The following TRMT44 variants were observed in gnomAD, a reference collection of about 807,000 sequenced individuals.
The protein encoded by TRMT44 is tRNA methyltransferase 44 homolog.
Under a neutral mutation model 77.3 loss-of-function variants are expected in TRMT44, and 78 were observed. The ratio of observed to expected loss-of-function variants is 1.01; its 90% CI spans 0.84 to 1.22. The LOEUF is 1.22. Among genes scored for constraint, TRMT44 ranks in the 50% most tolerant of loss-of-function variants. The pLI, the probability that TRMT44 is intolerant of heterozygous loss-of-function variation, is 0.00. For missense variants in TRMT44, 1,090 were observed against 964.4 expected (o/e 1.13, Z -1.73); for synonymous variants, 391 against 383.3 (o/e 1.02, Z -0.23).
chr4:8,464,222 G>A (rs1726368705), intron 7 of TRMT44, 131 bp downstream of exon 7: 2 of 642,952 alleles, frequency 3.1e-6, no homozygotes, highest in South Asian at 2.0e-5. Flanking sequence ...TCCAATTGTT[G>A]AAATGTTTGC....
At chr4:8,503,331 C>T in the TRMT44 span, among the ~76,000 whole-genome samples, 32 of 152,350 alleles carry the variant, frequency 2.1e-4, no homozygotes, top group Admixed American at 8.5e-4. Flanking sequence ...GACCCTAGGC[C>T]GTGGCTGCAG....
At position 8,452,868 on chromosome 4, in the gene TRMT44, T is replaced by G; in HGVS notation, c.1024-14T>G. On this transcript the variant is annotated splice_polypyrimidine_tract_variant and intron_variant, in intron 4 of 10. Transcript: ENST00000389737. The surrounding 1 kb of genome is among the most constrained non-coding windows in gnomAD (Gnocchi z 5.7). ...ATTACCACCTGACTTTGTTTTGTTT[T>G]TCTCTTCACTTAGATTCTATGGGAA... 1 of 1,480,472 alleles carries G rather than the reference T, an allele frequency of 6.8e-7. No individual in the cohort carries two copies. Among genetic ancestry groups the G allele is most frequent in the Non-Finnish European group, 9.1e-7 (1 of 1,104,928 alleles). The allele number at this position is 1,480,472 out of a possible 1,614,324, so 91.7% of individuals were successfully genotyped here. A position where few individuals can be genotyped will look rare whatever the true frequency, so the allele number is the denominator to read the frequency against.
the TRMT44 span, among the ~76,000 whole-genome samples, chr4:8,515,140 AT>A: frequency 1.3e-5 from 2 of 151,858 alleles, no homozygotes; most frequent in Non-Finnish European, 2.9e-5. Context: ...TAATTTTTGT[AT>A]TTTTTTGTAG....
In TRMT44 at chr4:8,444,832, T is replaced by C. The variant is rs527798660; in HGVS notation, c.620-1644T>C. On this transcript the variant is annotated intron_variant, in intron 1 of 10. Coordinates refer to ENST00000389737, the MANE Select transcript of TRMT44 (RefSeq NM_152544.3). This position sits in a 1 kb window ranked among gnomAD's most constrained non-coding sequence, Gnocchi z 4.0. ...ACATTGCATGCCTGGATCAAAACAT[T>C]TCATGTACCCTGTAAATATATATAC... 2.0e-5 allele frequency among the ~76,000 whole-genome samples: 3 copies of C among 152,354 alleles called. No homozygotes were observed. The highest frequency in any genetic ancestry group is 4.1e-4 in the South Asian group (2 of 4,832).
intron 6 of TRMT44, among the ~76,000 whole-genome samples, chr4:8,460,302 A>AT (rs1726064082): frequency 6.6e-6 from 1 of 152,162 alleles, no homozygotes; most frequent in South Asian, 2.1e-4. Context: ...AGAGGGCAGA[A>AT]TGTTGTTTTA....
chr4:8,482,693 T>C (rs1560248300), intron 2 of TRMT44, among the ~76,000 whole-genome samples: 1 of 152,104 alleles, frequency 6.6e-6, no homozygotes, highest in Non-Finnish European at 1.5e-5. Context: ...GGACAGGCCA[T>C]GTACACTTCT....
chr4:8,505,427 C>T, the TRMT44 span, among the ~76,000 whole-genome samples: 167 of 152,186 alleles, frequency 1.1e-3, no homozygotes, highest in Non-Finnish European at 2.2e-3. Flanking sequence ...GACCTCCCAG[C>T]ACCTCTGCAG....
At position 8,468,273 on chromosome 4, in the gene TRMT44, T is replaced by G; in HGVS notation, c.1854T>G (p.Asn618Lys). The change falls in exon 9 of 11, where the codon AAT becomes AAG. Residue 618 changes from asparagine (N) to lysine (K), a missense_variant. Transcript: ENST00000389737. Reference sequence around the variant, plus strand: ...ACCAAGTGGTTTTGCAAGTAGCGAATTTACTGTTAGGTGGAAAGCAATTAA... The same window carrying G: ...ACCAAGTGGTTTTGCAAGTAGCGAAGTTACTGTTAGGTGGAAAGCAATTAA... ...FIDQVVLQVA[N>K]LLLGGKQLNT... 6.2e-7 allele frequency: 1 copy of G among 1,614,200 alleles called. No homozygotes were observed. Among genetic ancestry groups the G allele is most frequent in the South Asian group, 1.1e-5 (1 of 91,080 alleles).
rs766052698 is a variant in TRMT44, at chr4:8,461,747, C to G, written c.1204-2238C>G. ...CGGTGCTAAAATAGCCATGTTTATT[C>G]TAGTGTTAAATAAATGCCAGGAGTT... is the stretch of plus-strand genomic sequence containing the variant. On this transcript the variant is annotated intron_variant, in intron 6 of 10. Coordinates refer to ENST00000389737, the MANE Select transcript of TRMT44 (RefSeq NM_152544.3). The surrounding 1 kb of genome is among the most constrained non-coding windows in gnomAD (Gnocchi z 4.6). Among the ~76,000 whole-genome samples, 4 of 152,234 alleles carry G rather than the reference C, an allele frequency of 2.6e-5. No individual in the cohort carries two copies. Among genetic ancestry groups the G allele is most frequent in the Middle Eastern group, 3.4e-3 (1 of 294 alleles).
At chr4:8,472,784 G>A (rs943902201) in intron 10 of TRMT44, among the ~76,000 whole-genome samples, 1 of 141,732 alleles carries the variant, frequency 7.1e-6, no homozygotes, top group African/African-American at 2.9e-5. Flanking sequence ...TGGCTGGGCT[G>A]GGCCTGCTGG....
At chr4:8,492,363 C>T (rs143246654) in intron 2 of TRMT44, among the ~76,000 whole-genome samples, 17 of 152,148 alleles carry the variant, frequency 1.1e-4, no homozygotes, top group Admixed American at 7.2e-4. Context: ...TGGCCATGAC[C>T]GCCGTGGTGC....
At chr4:8,492,140 G>C (rs1728026801) in intron 2 of TRMT44, among the ~76,000 whole-genome samples, 1 of 152,224 alleles carries the variant, frequency 6.6e-6, no homozygotes, top group Admixed American at 6.5e-5. Flanking sequence ...CCATATTGAA[G>C]ATTTGCTGTG....
At chr4:8,494,798 C>T (rs1193017148), downstream of TRMT44, among the ~76,000 whole-genome samples, 1 of 147,544 alleles carries the variant, frequency 6.8e-6, no homozygotes, top group African/African-American at 2.5e-5. Context: ...AGGTATGAAG[C>T]TTTTTTTTTT....
At chr4:8,467,358 C>T (rs1726651220) in intron 8 of TRMT44, among the ~76,000 whole-genome samples, 2 of 152,050 alleles carry the variant, frequency 1.3e-5, no homozygotes, top group Admixed American at 6.6e-5. Context: ...AGTTTAGGCG[C>T]CTTTGTTAGA....
At chr4:8,470,513 G>A (rs916326200) in intron 9 of TRMT44, among the ~76,000 whole-genome samples, 6 of 152,252 alleles carry the variant, frequency 3.9e-5, no homozygotes, top group Non-Finnish European at 8.8e-5. Context: ...CAGGTTTTCT[G>A]ATTAGAGCAT....
the TRMT44 span, chr4:8,512,435 T>C: frequency 6.6e-6 from 1 of 152,232 alleles, no homozygotes; most frequent in East Asian, 1.9e-4. Flanking sequence ...ATTTCCAGTA[T>C]GGGAGGTATA....
rs769480616 is a variant in TRMT44, at chr4:8,446,690, C to G, written c.734+100C>G. 86 of 748,004 alleles carry G rather than the reference C, an allele frequency of 1.1e-4. No individual in the cohort carries two copies. The highest frequency in any genetic ancestry group is 1.6e-4 in the Non-Finnish European group (74 of 467,362). The allele number at this position is 748,004 out of a possible 1,614,324, so 46.3% of individuals were successfully genotyped here. On this transcript the variant is annotated intron_variant, in intron 2 of 10. Coordinates refer to ENST00000389737, the MANE Select transcript of TRMT44 (RefSeq NM_152544.3). This position sits in a 1 kb window ranked among gnomAD's most constrained non-coding sequence, Gnocchi z 4.3. The stretch of plus-strand genomic sequence containing the variant: ...GTTGCCAGGGCTTAAGGTCCTGTCT[C>G]TGAGGTGGTTATGGTTTGTAGGAAT...
rs143660619 is a variant in TRMT44 at position 8,465,394 on chromosome 4, C to G, written c.1327C>G (p.Arg443Gly). Residue 443 changes from arginine (R) to glycine (G), a missense_variant, in exon 8 of 11, where the codon CGC (arginine) becomes GGC (glycine). Arg to Gly is a moderately radical substitution (Grantham distance 125). Coordinates refer to ENST00000389737, the MANE Select transcript of TRMT44 (RefSeq NM_152544.3). ...VIAARSSYNCRFFVLPCCFFD... is the reference protein window; with the variant it reads ...VIAARSSYNCGFFVLPCCFFD... ...TTTTTGAAGGTCTTCCTACAATTGC[C>G]GCTTCTTTGTCCTCCCCTGCTGCTT... 6.2e-7 allele frequency: 1 copy of G among 1,611,672 alleles called. No homozygotes were observed. Among genetic ancestry groups the G allele is most frequent in the African/African-American group, 1.3e-5 (1 of 74,716 alleles).
intron 2 of TRMT44, among the ~76,000 whole-genome samples, chr4:8,487,789 C>G (rs1010136210): frequency 2.6e-5 from 4 of 152,220 alleles, no homozygotes; most frequent in Non-Finnish European, 5.9e-5. Context: ...ACCCCTCCCC[C>G]AGAAAAGCAG....
Sources: allele counts gnomAD v4.1 joint callset (sites outside exome capture counted in the v4.1 genomes callset), GRCh38; gene constraint gnomAD v4.1.1; non-coding constraint Gnocchi (gnomAD v3.1); transcripts MANE v1.5; gene names NCBI Gene and HGNC (gene_info 2026-07-23, HGNC 2026-07-21).